Variants in MYO3B observed in about 807,000 individuals in gnomAD.
The protein encoded by MYO3B is myosin IIIB.
Under a neutral mutation model 174.6 loss-of-function variants are expected in MYO3B, and 156 were observed. That is an observed-to-expected ratio of 0.89 (90% CI 0.78 to 1.02). MYO3B has a LOEUF of 1.02. MYO3B is among the 50% of genes least tolerant of loss of function. MYO3B has a pLI of 0.00. For synonymous variants in MYO3B, 563 were observed against 569.1 expected, an observed-to-expected ratio of 0.99 and a Z score of 0.15; for missense variants, 1,632 against 1,639.4, an observed-to-expected ratio of 1.00 and a Z score of 0.08.
At chr2:170,605,767 G>A (rs1694771839) in intron 32 of MYO3B, among the ~76,000 whole-genome samples, 1 of 152,102 alleles carries the variant, frequency 6.6e-6, no homozygotes, top group Non-Finnish European at 1.5e-5. Flanking sequence ...GGTTGAGGCA[G>A]GAGAATTGCT....
chr2:170,288,219 T>C (rs1464524097), intron 7 of MYO3B, among the ~76,000 whole-genome samples: 1 of 131,318 alleles, frequency 7.6e-6, no homozygotes, highest in Non-Finnish European at 1.7e-5. Flanking sequence ...TTTTGTGGTT[T>C]CACATAAATT....
At chr2:170,448,293 G>A (rs180779449) in intron 23 of MYO3B, among the ~76,000 whole-genome samples, 4 of 152,232 alleles carry the variant, frequency 2.6e-5, no homozygotes, top group African/African-American at 9.6e-5. Context: ...GGAAGATGGA[G>A]TCAGTTATGT....
chr2:170,234,089 T>A (rs1167934510), intron 6 of MYO3B, among the ~76,000 whole-genome samples: 1 of 140,838 alleles, frequency 7.1e-6, no homozygotes, highest in African/African-American at 2.6e-5. Flanking sequence ...GAGAATGGCG[T>A]GAACCCAGGA....
chr2:170,440,963 G>A (rs143424744), intron 22 of MYO3B, among the ~76,000 whole-genome samples: 9,960 of 151,542 alleles, frequency 0.066, 417 homozygotes, highest in Non-Finnish European at 0.083. Context: ...CACCACGCCC[G>A]GCTAATTTTT....
At chr2:170,443,827 A>T (rs1369654954) in intron 22 of MYO3B, 140 bp from the exon 23 acceptor site, 1 of 380,390 alleles carries the variant, frequency 2.6e-6, no homozygotes, top group Non-Finnish European at 4.6e-6. Context: ...TCAAAGTGTC[A>T]AAATTTTCCA....
At chr2:170,634,789 TCAAAAAGTGGG>T (rs1434892455) in intron 32 of MYO3B, among the ~76,000 whole-genome samples, 2 of 151,896 alleles carry the variant, frequency 1.3e-5, no homozygotes, top group Non-Finnish European at 2.9e-5. Flanking sequence ...ATCAACCCCA[TCAAAAAGTGGG>T]CAAAGGATAT....
At chr2:170,220,382 G>A (rs2105378882) in intron 6 of MYO3B, among the ~76,000 whole-genome samples, 1 of 152,134 alleles carries the variant, frequency 6.6e-6, no homozygotes, top group African/African-American at 2.4e-5. Flanking sequence ...TGTAATCCCA[G>A]CACTTTGGAA....
intron 32 of MYO3B, among the ~76,000 whole-genome samples, chr2:170,629,732 C>T (rs1054699673): frequency 6.6e-6 from 1 of 152,168 alleles, no homozygotes; most frequent in African/African-American, 2.4e-5. Context: ...TGCCTATAAT[C>T]CCAGCTACTC....
chr2:170,519,400 T>C, intron 29 of MYO3B, 38 bp from the exon 30 acceptor site: 1 of 1,572,852 alleles, frequency 6.4e-7, no homozygotes, highest in Non-Finnish European at 8.7e-7. Context: ...CCTACCTACT[T>C]CTGAACATAT....
intron 16 of MYO3B, among the ~76,000 whole-genome samples, chr2:170,393,267 A>G (rs1353801541): frequency 6.6e-6 from 1 of 151,782 alleles, no homozygotes. Context: ...TATTTTTAGT[A>G]GAGACGGGGT....
chr2:170,593,728 C>T (rs1193001237), intron 32 of MYO3B, among the ~76,000 whole-genome samples: 2 of 152,190 alleles, frequency 1.3e-5, no homozygotes, highest in African/African-American at 4.8e-5. Context: ...AACTGCACAT[C>T]TTAAAATAAA....
intron 8 of MYO3B, among the ~76,000 whole-genome samples, chr2:170,357,009 C>T (rs2094127348): frequency 6.6e-6 from 1 of 152,106 alleles, no homozygotes. Flanking sequence ...TCTCTAACTC[C>T]TGGGCTCAAG....
chr2:170,422,631 G>GT (rs1395514840), intron 22 of MYO3B, among the ~76,000 whole-genome samples: 1 of 151,770 alleles, frequency 6.6e-6, no homozygotes, highest in Non-Finnish European at 1.5e-5. Flanking sequence ...GCTGATTTTT[G>GT]TATTATTAGT....
At chr2:170,288,493 A>C (rs975364009) in intron 7 of MYO3B, among the ~76,000 whole-genome samples, 13 of 151,992 alleles carry the variant, frequency 8.6e-5, no homozygotes, top group African/African-American at 3.1e-4. Flanking sequence ...AGCTATTATA[A>C]ATGGGATTGC....
chr2:170,531,485 G>C (rs1689350212), intron 30 of MYO3B, among the ~76,000 whole-genome samples: 1 of 152,028 alleles, frequency 6.6e-6, no homozygotes, highest in Admixed American at 6.5e-5. Context: ...AGATCAAATA[G>C]CACAATATCT....
intron 32 of MYO3B, among the ~76,000 whole-genome samples, chr2:170,639,852 T>G (rs2105436614): frequency 6.6e-6 from 1 of 152,284 alleles, no homozygotes; most frequent in East Asian, 1.9e-4. Context: ...AAAATTGTTC[T>G]CTTGGAATAA....
chr2:170,542,854 T>C, intron 30 of MYO3B, 52 bp from the exon 31 acceptor site: 4 of 1,385,160 alleles, frequency 2.9e-6, no homozygotes, highest in Middle Eastern at 1.9e-4. Flanking sequence ...TCTAAGTTTT[T>C]CTATTATTAT....
intron 22 of MYO3B, among the ~76,000 whole-genome samples, chr2:170,435,778 TCAAA>T (rs2094749014): frequency 6.6e-6 from 1 of 152,208 alleles, no homozygotes; most frequent in South Asian, 2.1e-4. Flanking sequence ...GGAAAATTTC[TCAAA>T]CAAATGCCCA....
intron 32 of MYO3B, among the ~76,000 whole-genome samples, chr2:170,612,206 A>T (rs1460640396): frequency 6.6e-6 from 1 of 152,256 alleles, no homozygotes; most frequent in East Asian, 1.9e-4. Flanking sequence ...GAACCCAAAC[A>T]TTTCACAGGA....
Sources: gnomAD v4.1 joint callset for allele counts (sites outside exome capture counted in the v4.1 genomes callset) on GRCh38, gnomAD v4.1.1 for gene constraint, MANE v1.5 for transcripts, NCBI Gene and HGNC (gene_info 2026-07-23, HGNC 2026-07-21) for gene names.